The following TUSC3 variants were observed in gnomAD, a reference collection of about 807,000 sequenced individuals.
The protein encoded by TUSC3 is tumor suppressor candidate 3.
A neutral mutation model predicts 44.8 loss-of-function variants in TUSC3; 45 were observed. The observed-to-expected ratio is 1.00, with a 90% CI of 0.79 to 1.29. The LOEUF is 1.29. TUSC3 is among the 50% of genes most tolerant of loss of function. The pLI is 0.00. For synonymous variants in TUSC3, 212 were observed against 152.9 expected, an observed-to-expected ratio of 1.39 and a Z score of -2.85; for missense variants, 519 against 437.9, an observed-to-expected ratio of 1.19 and a Z score of -1.65.
the TUSC3 span, among the ~76,000 whole-genome samples, chr8:15,792,537 G>A: frequency 3.9e-5 from 6 of 152,138 alleles, no homozygotes; most frequent in Non-Finnish European, 7.3e-5. Context: ...ACCTCTAGAG[G>A]ACACTTGACA....
the TUSC3 span, among the ~76,000 whole-genome samples, chr8:15,789,361 A>AT: frequency 6.6e-6 from 1 of 152,082 alleles, no homozygotes; most frequent in Admixed American, 6.5e-5. Context: ...AGAAAATAGC[A>AT]TTTTCAACAA....
chr8:15,551,183 T>G (rs1001886521), intron 1 of TUSC3, among the ~76,000 whole-genome samples: 5 of 151,692 alleles, frequency 3.3e-5, no homozygotes, highest in African/African-American at 1.2e-4. Flanking sequence ...TTACATACAT[T>G]TTCATTTATG....
chr8:15,836,564 G>C, the TUSC3 span, among the ~76,000 whole-genome samples: 69 of 151,700 alleles, frequency 4.5e-4, no homozygotes, highest in African/African-American at 1.6e-3. Context: ...ACTCCCTGTA[G>C]TCTAAATACG....
the TUSC3 span, among the ~76,000 whole-genome samples, chr8:15,799,459 A>G: frequency 6.6e-6 from 1 of 152,152 alleles, no homozygotes; most frequent in Non-Finnish European, 1.5e-5. Context: ...TTTCTCAAGG[A>G]AGTTCCTCTG....
chr8:15,586,385 G>A (rs1049877208), intron 1 of TUSC3, among the ~76,000 whole-genome samples: 1 of 152,100 alleles, frequency 6.6e-6, no homozygotes, highest in Non-Finnish European at 1.5e-5. Context: ...GTTGGTTCTT[G>A]GGTGGGGTGG....
At chr8:15,814,514 C>G in the TUSC3 span, among the ~76,000 whole-genome samples, 1 of 152,164 alleles carries the variant, frequency 6.6e-6, no homozygotes, top group Non-Finnish European at 1.5e-5. Context: ...ACAATTAGTA[C>G]ATTTTCTAGG....
intron 2 of TUSC3, among the ~76,000 whole-genome samples, chr8:15,639,981 C>T (rs1031295329): frequency 6.6e-6 from 1 of 152,120 alleles, no homozygotes; most frequent in East Asian, 1.9e-4. Flanking sequence ...CATAGCAGGC[C>T]TGAGATTGTT....
At chr8:15,534,557 G>A (rs1395738231) in intron 2 of TUSC3, among the ~76,000 whole-genome samples, 1 of 151,644 alleles carries the variant, frequency 6.6e-6, no homozygotes, top group Non-Finnish European at 1.5e-5. Context: ...GCAGGAGAAT[G>A]GCATGAACCT....
At chr8:15,423,287 G>A (rs1799761101) in intron 1 of TUSC3, among the ~76,000 whole-genome samples, 1 of 152,128 alleles carries the variant, frequency 6.6e-6, no homozygotes, top group African/African-American at 2.4e-5. Flanking sequence ...CTGTTTCTCT[G>A]TATCCTTTTT....
At chr8:15,720,647 A>AT (rs752453550) in intron 6 of TUSC3, among the ~76,000 whole-genome samples, 5 of 152,116 alleles carry the variant, frequency 3.3e-5, no homozygotes, top group Non-Finnish European at 7.4e-5. Flanking sequence ...GAGCAAATGG[A>AT]TGACATTAGA....
intron 2 of TUSC3, among the ~76,000 whole-genome samples, chr8:15,485,996 G>A (rs1800728131): frequency 1.3e-5 from 2 of 152,172 alleles, no homozygotes; most frequent in South Asian, 2.1e-4. Context: ...GTTTCGCCAT[G>A]TTGGGCAGGC....
At chr8:15,845,774 C>T in the TUSC3 span, among the ~76,000 whole-genome samples, 3 of 152,138 alleles carry the variant, frequency 2.0e-5, no homozygotes, top group African/African-American at 7.2e-5. Flanking sequence ...TTCACTATAG[C>T]TACGTGTATG....
the TUSC3 span, among the ~76,000 whole-genome samples, chr8:15,842,660 G>A: frequency 3.9e-5 from 6 of 152,186 alleles, no homozygotes; most frequent in Non-Finnish European, 7.3e-5. Flanking sequence ...TTATGTAGGA[G>A]CTAAACAGCT....
chr8:15,652,646 A>C (rs1806964739), intron 3 of TUSC3, among the ~76,000 whole-genome samples: 1 of 152,190 alleles, frequency 6.6e-6, no homozygotes, highest in Non-Finnish European at 1.5e-5. Flanking sequence ...GGAAAATTAG[A>C]GTACTGTAAG....
At chr8:15,555,838 C>T (rs1328902793) in intron 1 of TUSC3, among the ~76,000 whole-genome samples, 2 of 151,320 alleles carry the variant, frequency 1.3e-5, no homozygotes, top group East Asian at 2.0e-4. Context: ...TTCTTACGGA[C>T]TCTTTCAGCT....
At chr8:15,619,792 G>A (rs1230074737) in intron 1 of TUSC3, among the ~76,000 whole-genome samples, 1 of 152,152 alleles carries the variant, frequency 6.6e-6, no homozygotes. Flanking sequence ...TTACAGGCGT[G>A]AGCCACCGTG....
chr8:15,471,170 T>G (rs1016966118), intron 1 of TUSC3, among the ~76,000 whole-genome samples: 1 of 152,210 alleles, frequency 6.6e-6, no homozygotes, highest in African/African-American at 2.4e-5. Flanking sequence ...TGCTCATTGA[T>G]TCACCAAAAC....
intron 1 of TUSC3, among the ~76,000 whole-genome samples, chr8:15,615,971 A>G (rs1358702888): frequency 6.6e-6 from 1 of 152,198 alleles, no homozygotes; most frequent in African/African-American, 2.4e-5. Flanking sequence ...AGCTAGGACC[A>G]CGTGAACACA....
chr8:15,466,499 T>C (rs181368798), intron 1 of TUSC3, among the ~76,000 whole-genome samples: 2 of 152,148 alleles, frequency 1.3e-5, no homozygotes, highest in African/African-American at 4.8e-5. Flanking sequence ...AAATAGTTCT[T>C]AGCTTATTTT....
Sources: gnomAD v4.1 joint callset for allele counts (sites outside exome capture counted in the v4.1 genomes callset) on GRCh38, gnomAD v4.1.1 for gene constraint, MANE v1.5 for transcripts, NCBI Gene and HGNC (gene_info 2026-07-23, HGNC 2026-07-21) for gene names.